Variants in TOR1B observed in about 807,000 individuals in gnomAD.
TOR1B encodes torsin family 1 member B.
In TOR1B, 14 loss-of-function variants were observed where a neutral mutation model predicts 29.2. The ratio of observed to expected loss-of-function variants is 0.48; its 90% CI spans 0.32 to 0.75. The LOEUF (loss-of-function observed/expected upper bound fraction) is 0.75. TOR1B is among the 30% of genes least tolerant of loss of function. TOR1B has a pLI of 0.04. For synonymous variants in TOR1B, 166 were observed against 179.8 expected (o/e 0.92, Z 0.62); for missense variants, 400 against 433.9 (o/e 0.92, Z 0.69).
rs754779643 is a variant in TOR1B at position 129,809,456 on chromosome 9, G to A, written c.884G>A (p.Arg295His). 1.4e-5 allele frequency: 22 copies of A among 1,614,108 alleles called. No homozygotes were observed. The highest frequency in any genetic ancestry group is 2.7e-5 in the African/African-American group (2 of 74,938). The change falls in exon 5 of 5, where the codon CGT becomes CAT. Residue 295 changes from arginine to histidine, a missense_variant. Transcript: ENST00000259339. ...KMCVRAEMRA[R>H]GSAIDEDIVT... ...TGTGTGAGGGCCGAGATGAGGGCCC[G>A]TGGTTCTGCCATAGATGAAGACATT...
chr9:129,807,867 A>ATATT (rs930068435), intron 3 of TOR1B, among the ~76,000 whole-genome samples: 11 of 150,792 alleles, frequency 7.3e-5, no homozygotes, highest in Non-Finnish European at 1.2e-4. Flanking sequence ...AAAAAGAAAT[A>ATATT]ATCACTGATA....
chr9:129,809,877 A>G lies in TOR1B; in HGVS notation c.*294A>G, dbSNP rs1218296461. The G allele has an allele frequency of 3.9e-6, 5 of 1,287,624 alleles. No homozygotes were observed. In the African/African-American group the frequency reaches 7.5e-5, roughly 19 times the overall value. 79.8% of individuals were successfully genotyped at this position (1,287,624 alleles called of 1,614,324 possible). On this transcript the variant is annotated 3_prime_UTR_variant, in exon 5 of 5. Coordinates refer to ENST00000259339, the MANE Select transcript of TOR1B (RefSeq NM_014506.3). The stretch of plus-strand genomic sequence containing the variant: ...CCACTGTGCCCAGCTGGGATATAGA[A>G]TCTAAGAGTTGATTGTGGAAAACAC...
chr9:129,809,043 C>T lies in TOR1B; in HGVS notation c.769+11C>T, dbSNP rs1334705558. On this transcript the variant is annotated intron_variant, in intron 4 of 4. Transcript: ENST00000259339. ...TCAATAATAAACACAGTGAGTCCAC[C>T]AGGGTAAAGGAGCCCCTTAACTGTC... is the stretch of plus-strand genomic sequence containing the variant. 1 of 1,603,954 alleles carries T rather than the reference C, an allele frequency of 6.2e-7. No individual in the cohort carries two copies. Among genetic ancestry groups the T allele is most frequent in the East Asian group, 2.2e-5 (1 of 44,802 alleles).
chr9:129,805,344 C>G (rs1191037554), intron 2 of TOR1B, among the ~76,000 whole-genome samples: 1 of 151,798 alleles, frequency 6.6e-6, no homozygotes, highest in African/African-American at 2.4e-5. Context: ...ATTCAAGCTA[C>G]TTGGGAGGCT....
Position 129,803,355 on chromosome 9 carries a change from A to C in TOR1B, c.143A>C (p.Asp48Ala), listed in dbSNP as rs1304196798. 1 of 1,585,582 alleles carries C rather than the reference A, an allele frequency of 6.3e-7. No individual in the cohort carries two copies. Among genetic ancestry groups the C allele is most frequent in the African/African-American group, 1.4e-5 (1 of 71,556 alleles). The part of the protein sequence containing the change: ...SAITGYLSYN[D>A]IYCRFAECCR... ...ATCACCGGCTACCTGTCCTACAATGACATCTACTGCCGCTTCGCCGAGTGC... is the reference window on the plus strand; with the variant it reads ...ATCACCGGCTACCTGTCCTACAATGCCATCTACTGCCGCTTCGCCGAGTGC... Residue 48 changes from aspartate (D) to alanine (A), a missense_variant, in exon 1 of 5, where the codon GAC (aspartate) becomes GCC (alanine). Transcript: ENST00000259339.
At chr9:129,808,780 G>A (rs1369148882) in intron 3 of TOR1B, 125 bp from the exon 4 acceptor site, 107 of 1,204,436 alleles carry the variant, frequency 8.9e-5, no homozygotes, top group Middle Eastern at 2.1e-4. Context: ...TTGAACTCCC[G>A]ACCTCAGGTG....
Position 129,809,562 on chromosome 9 carries a change from G to C in TOR1B, c.990G>C (p.Gln330His). Residue 330 changes from glutamine to histidine, a missense_variant, in exon 5 of 5, where the codon CAG becomes CAC. By Grantham distance (24) the Gln-to-His change is conservative (BLOSUM62 0). Transcript: ENST00000259339. Reference sequence around the variant, plus strand: ...CAGACAAGGGCTGCAAGACTGTGCAGTCGCGGCTGGATTTCCACTGAGCTC... The same window carrying C: ...CAGACAAGGGCTGCAAGACTGTGCACTCGCGGCTGGATTTCCACTGAGCTC... The part of the protein sequence containing the change: ...IYSDKGCKTV[Q>H]SRLDFH The C allele has an allele frequency of 6.2e-7, 1 of 1,614,248 alleles. No homozygotes were observed. The highest frequency in any genetic ancestry group is 8.5e-7 in the Non-Finnish European group (1 of 1,180,054).
Position 129,811,065 on chromosome 9 carries a change from A to G in TOR1B, c.*1482A>G, listed in dbSNP as rs2030840241. The G allele has an allele frequency of 6.6e-6, 1 of 152,250 alleles. No individual in the cohort carries two copies. The highest frequency in any genetic ancestry group is 1.5e-5 in the Non-Finnish European group (1 of 68,052). The allele number at this position is 152,250 out of a possible 1,614,324, so 9.4% of individuals were successfully genotyped here. ...CACAACAACGTGCAGCATTTTTTAC[A>G]TAAAAATATGGTAGAATTAATTTAT... On this transcript the variant is annotated 3_prime_UTR_variant, in exon 5 of 5. Transcript: ENST00000259339.
At chr9:129,806,265 T>C (rs550088651) in intron 2 of TOR1B, among the ~76,000 whole-genome samples, 1 of 152,328 alleles carries the variant, frequency 6.6e-6, no homozygotes, top group South Asian at 2.1e-4. Flanking sequence ...GGAAGGATTT[T>C]CTTGTTCTTT....
At chr9:129,808,359 C>T (rs190247298) in intron 3 of TOR1B, among the ~76,000 whole-genome samples, 333 of 151,726 alleles carry the variant, frequency 2.2e-3, no homozygotes, top group Middle Eastern at 0.014. Flanking sequence ...TTAGAAGGGG[C>T]GTCGTGGCAG....
At chr9:129,808,756 T>G (rs2030651878) in intron 3 of TOR1B, 149 bp from the exon 4 acceptor site, 1 of 829,284 alleles carries the variant, frequency 1.2e-6, no homozygotes, top group East Asian at 2.9e-5. Flanking sequence ...TACTCTATGT[T>G]GGTCAGGCTG....
intron 2 of TOR1B, among the ~76,000 whole-genome samples, chr9:129,805,245 G>A (rs1001151534): frequency 6.6e-6 from 1 of 151,668 alleles, no homozygotes; most frequent in African/African-American, 2.4e-5. Flanking sequence ...ACCTGAGGTC[G>A]GGAGTTCGAG....
At position 129,807,274 on chromosome 9, in the gene TOR1B, C is replaced by T. The variant is rs1043178; in HGVS notation, c.552C>T (p.Pro184=). 510,318 of 1,613,782 alleles carry T rather than the reference C, an allele frequency of 0.32. 85,847 individuals are homozygous for T. The highest frequency in any genetic ancestry group is 0.35 in the Non-Finnish European group (410,077 of 1,179,862). ...FIFDEMDKLH[P]GIIDAIKPFL... ...TTGACGAGATGGATAAATTGCACCCCGGGATCATTGACGCAATCAAGCCGT... is the reference window on the plus strand; with the variant it reads ...TTGACGAGATGGATAAATTGCACCCTGGGATCATTGACGCAATCAAGCCGT... Residue 184 remains proline (P), a synonymous_variant, in exon 3 of 5, where the codon CCC becomes CCT. Transcript: ENST00000259339.
intron 2 of TOR1B, among the ~76,000 whole-genome samples, chr9:129,805,345 T>C (rs1276736256): frequency 1.3e-5 from 2 of 150,612 alleles, no homozygotes. Flanking sequence ...TTCAAGCTAC[T>C]TGGGAGGCTG....
chr9:129,807,415 A>T, intron 3 of TOR1B, 52 bp downstream of exon 3: 2 of 1,599,570 alleles, frequency 1.3e-6, no homozygotes, highest in Non-Finnish European at 1.7e-6. Context: ...TCTCTCAATG[A>T]TAAAATGAGG....
chr9:129,803,343 T>C lies in TOR1B; in HGVS notation c.131T>C (p.Leu44Pro). Reference sequence around the variant, plus strand: ...GCCGCGTCGGCCATCACCGGCTACCTGTCCTACAATGACATCTACTGCCGC... The same window carrying C: ...GCCGCGTCGGCCATCACCGGCTACCCGTCCTACAATGACATCTACTGCCGC... ...IGAASAITGY[L>P]SYNDIYCRFA... The change falls in exon 1 of 5, where the codon CTG becomes CCG. Residue 44 changes from leucine (L) to proline (P), a missense_variant. Physicochemically the swap from Leu to Pro is moderately conservative, Grantham distance 98. Transcript: ENST00000259339. The C allele has an allele frequency of 6.3e-7, 1 of 1,589,130 alleles. No homozygotes were observed. Among genetic ancestry groups the C allele is most frequent in the South Asian group, 1.1e-5 (1 of 88,442 alleles).
In TOR1B at chr9:129,809,323, G is replaced by A; in HGVS notation, c.770-19G>A. The A allele has an allele frequency of 6.2e-7, 1 of 1,613,360 alleles. No homozygotes were observed. Among genetic ancestry groups the A allele is most frequent in the South Asian group, 1.1e-5 (1 of 91,016 alleles). On this transcript the variant is annotated intron_variant, in intron 4 of 4. Transcript: ENST00000259339. Reference sequence around the variant, plus strand: ...GGTGGCGGTGGTGGCAGGAAACCCAGCTGTGTCTTGTTCTGCAGGTGGCCT... The same window carrying A: ...GGTGGCGGTGGTGGCAGGAAACCCAACTGTGTCTTGTTCTGCAGGTGGCCT...
At chr9:129,808,077 G>A (rs1030713558) in intron 3 of TOR1B, among the ~76,000 whole-genome samples, 3 of 152,138 alleles carry the variant, frequency 2.0e-5, no homozygotes, top group African/African-American at 7.2e-5. Flanking sequence ...TTTATTAACT[G>A]TGCATGTTGG....
rs866648487 is a variant in TOR1B, at chr9:129,804,861, T to G, written c.465+523T>G. Among the ~76,000 whole-genome samples, 349 of 123,848 alleles carry G rather than the reference T, an allele frequency of 2.8e-3. 1 individual carries two copies. The highest frequency in any genetic ancestry group is 0.011 in the African/African-American group (331 of 31,158). The allele number at this position is 123,848 out of a possible 152,430, so 81.2% of individuals were successfully genotyped here. A position where few individuals can be genotyped will look rare whatever the true frequency, so the allele number is the denominator to read the frequency against. On this transcript the variant is annotated intron_variant, in intron 2 of 4. Transcript: ENST00000259339. ...CAAAAAAAAAAAAAAAAAAAAGGCC[T>G]GGCACAGTGGCTCACGCCTGTAATC...
Sources: allele counts gnomAD v4.1 joint callset (sites outside exome capture counted in the v4.1 genomes callset), GRCh38; gene constraint gnomAD v4.1.1; transcripts MANE v1.5; gene names NCBI Gene and HGNC (gene_info 2026-07-23, HGNC 2026-07-21).